The following DCAF10 variants were observed in gnomAD, a reference collection of about 807,000 sequenced individuals.
DCAF10 encodes the protein DDB1 and CUL4 associated factor 10.
A neutral mutation model predicts 51.9 loss-of-function variants in DCAF10; 19 were observed. The ratio of observed to expected loss-of-function variants is 0.37; its 90% confidence interval spans 0.26 to 0.54. The LOEUF is 0.54. Ranked by LOEUF, DCAF10 falls within the 20% of genes least tolerant of loss-of-function variation. DCAF10 has a pLI of 0.87. For missense variants in DCAF10, 510 were observed against 730.6 expected, an observed-to-expected ratio of 0.70 and a Z score of 3.48; for synonymous variants, 291 against 297.1, an observed-to-expected ratio of 0.98 and a Z score of 0.21.
chr9:37,867,344 A>G lies in DCAF10; in HGVS notation c.*5836A>G, dbSNP rs1410150602. 6.6e-6 allele frequency: 1 copy of G among 152,098 alleles called. No individual in the cohort carries two copies. The highest frequency in any genetic ancestry group is 1.5e-5 in the Non-Finnish European group (1 of 68,018). The allele number at this position is 152,098 out of a possible 1,614,324, so 9.4% of individuals were successfully genotyped here. A position where few individuals can be genotyped will look rare whatever the true frequency, so the allele number is the denominator to read the frequency against. On this transcript the variant is annotated 3_prime_UTR_variant, in exon 7 of 7. Coordinates refer to ENST00000377724, the MANE Select transcript of DCAF10 (RefSeq NM_024345.5). ...AATAGGTAGATTTTCAGCTTTCTTA[A>G]GTTTCTCCCTCATTTAGATTTCATG...
At chr9:37,836,422 C>T in intron 2 of DCAF10, 3 of 1,567,026 alleles carry the variant, frequency 1.9e-6, no homozygotes, top group Non-Finnish European at 2.6e-6. Context: ...GCCATTTTTG[C>T]CTGAATTTGA....
chr9:37,830,684 T>C (rs1348853375), intron 2 of DCAF10, among the ~76,000 whole-genome samples: 2 of 152,240 alleles, frequency 1.3e-5, no homozygotes, highest in Non-Finnish European at 2.9e-5. Flanking sequence ...GTTTTCTCTA[T>C]GTTGCTAATA....
chr9:37,857,141 TCAAAA>T, intron 4 of DCAF10, 95 bp from the exon 5 acceptor site: 5 of 922,478 alleles, frequency 5.4e-6, no homozygotes, highest in Non-Finnish European at 8.0e-6. Context: ...GAGCATTTTT[TCAAAA>T]TTTTAAAACT....
At chr9:37,803,725 G>A (rs960474710) in intron 1 of DCAF10, among the ~76,000 whole-genome samples, 3 of 148,930 alleles carry the variant, frequency 2.0e-5, no homozygotes, top group African/African-American at 7.5e-5. Context: ...ACATATCCGT[G>A]TTAAATGAGG....
Position 37,862,426 on chromosome 9 carries a change from C to T in DCAF10, c.*918C>T, listed in dbSNP as rs952048698. ...ATTTCATCTGCCAGATTATTTGAAT[C>T]ACACAGGATGATGTGTTAACAGTAT... On this transcript the variant is annotated 3_prime_UTR_variant, in exon 7 of 7. Transcript: ENST00000377724. 1 of 152,150 alleles carries T rather than the reference C, an allele frequency of 6.6e-6. No homozygotes were observed. The allele number at this position is 152,150 out of a possible 1,614,324, so 9.4% of individuals were successfully genotyped here.
At chr9:37,838,708 C>A (rs1355129353) in intron 2 of DCAF10, among the ~76,000 whole-genome samples, 1 of 151,912 alleles carries the variant, frequency 6.6e-6, no homozygotes, top group Admixed American at 6.6e-5. Flanking sequence ...CCTGGCCAAC[C>A]TGACAAAACC....
chr9:37,852,930 T>TTA (rs59469290), intron 3 of DCAF10, among the ~76,000 whole-genome samples: 5,156 of 108,852 alleles, frequency 0.047, 162 homozygotes, highest in East Asian at 0.087. Flanking sequence ...GTATGTGAGG[T>TTA]TATATATATA....
At chr9:37,816,659 G>A (rs1458482109) in intron 1 of DCAF10, among the ~76,000 whole-genome samples, 1 of 144,890 alleles carries the variant, frequency 6.9e-6, no homozygotes, top group Non-Finnish European at 1.5e-5. Flanking sequence ...CTGCACCTGG[G>A]GTGTGTGTGT....
At chr9:37,860,221 C>T in intron 6 of DCAF10, 28 bp downstream of exon 6, 1 of 1,612,976 alleles carries the variant, frequency 6.2e-7, no homozygotes, top group Non-Finnish European at 8.5e-7. Flanking sequence ...CCACCTTCAA[C>T]AGGGCTCATT....
At chr9:37,802,214 A>G (rs1336189122) in intron 1 of DCAF10, among the ~76,000 whole-genome samples, 2 of 152,220 alleles carry the variant, frequency 1.3e-5, no homozygotes, top group African/African-American at 4.8e-5. Flanking sequence ...AGCACTTGCT[A>G]TGTTCCAAAT....
At chr9:37,807,271 C>G (rs1194288849) in intron 1 of DCAF10, among the ~76,000 whole-genome samples, 1 of 151,960 alleles carries the variant, frequency 6.6e-6, no homozygotes, top group African/African-American at 2.4e-5. Flanking sequence ...TGCTTGAGCT[C>G]GAGTTCAAGA....
At chr9:37,810,169 TGGG>T (rs1490266177) in intron 1 of DCAF10, among the ~76,000 whole-genome samples, 7 of 149,232 alleles carry the variant, frequency 4.7e-5, no homozygotes, top group East Asian at 3.9e-4. Context: ...AAAAAAAAGT[TGGG>T]GGGACAATTT....
chr9:37,809,636 C>T (rs1829268283), intron 1 of DCAF10, among the ~76,000 whole-genome samples: 1 of 151,992 alleles, frequency 6.6e-6, no homozygotes, highest in Admixed American at 6.5e-5. Flanking sequence ...GAGTTCGAGA[C>T]CAGCCTGGCT....
intron 2 of DCAF10, among the ~76,000 whole-genome samples, chr9:37,839,531 C>T (rs570931990): frequency 1.3e-4 from 20 of 152,282 alleles, no homozygotes; most frequent in African/African-American, 4.3e-4. Context: ...TGAGCTACCA[C>T]GCTTGGCCAG....
At chr9:37,820,988 A>G (rs939000195) in intron 2 of DCAF10, among the ~76,000 whole-genome samples, 4 of 152,036 alleles carry the variant, frequency 2.6e-5, no homozygotes, top group Admixed American at 2.0e-4. Flanking sequence ...AAGTAAGTCT[A>G]TCTCCACCTC....
At chr9:37,814,265 A>G (rs1564027553) in intron 1 of DCAF10, among the ~76,000 whole-genome samples, 1 of 145,826 alleles carries the variant, frequency 6.9e-6, no homozygotes, top group African/African-American at 2.5e-5. Context: ...CAGCCTCCCA[A>G]GTAGCTGGAA....
chr9:37,842,753 G>T (rs1317316031), intron 3 of DCAF10, among the ~76,000 whole-genome samples: 1 of 152,176 alleles, frequency 6.6e-6, no homozygotes, highest in Non-Finnish European at 1.5e-5. Context: ...TGGGGGAAGA[G>T]AACTATCTAC....
chr9:37,822,621 A>G (rs1165579754), intron 2 of DCAF10, among the ~76,000 whole-genome samples: 1 of 151,946 alleles, frequency 6.6e-6, no homozygotes, highest in Non-Finnish European at 1.5e-5. Context: ...GAATGATACA[A>G]TAGACTTTGG....
chr9:37,811,357 TATATC>T (rs1829343029), intron 1 of DCAF10, among the ~76,000 whole-genome samples: 1 of 152,142 alleles, frequency 6.6e-6, no homozygotes, highest in Non-Finnish European at 1.5e-5. Flanking sequence ...AAAAATATAA[TATATC>T]ATCCAGTGCT....
Sources: gnomAD v4.1 joint callset for allele counts (sites outside exome capture counted in the v4.1 genomes callset) on GRCh38, gnomAD v4.1.1 for gene constraint, MANE v1.5 for transcripts, NCBI Gene and HGNC (gene_info 2026-07-23, HGNC 2026-07-21) for gene names.